Variants in CRB1 observed in about 807,000 individuals in gnomAD.
The protein encoded by CRB1 is crumbs cell polarity complex component 1.
A neutral mutation model predicts 120.0 loss-of-function variants in CRB1; 83 were observed. The observed-to-expected ratio is 0.69, with a 90% confidence interval of 0.58 to 0.83. The LOEUF is 0.83. Among genes scored for constraint, CRB1 ranks in the 40% least tolerant of loss-of-function variants. The probability of loss-of-function intolerance (pLI) is 0.00; values close to 1 mark genes in which losing one functional copy is unlikely to be tolerated. For synonymous variants in CRB1, 625 were observed against 612.5 expected, an observed-to-expected ratio of 1.02 and a Z score of -0.30; for missense variants, 1,699 against 1,687.6, an observed-to-expected ratio of 1.01 and a Z score of -0.12.
At chr1:197,379,588 C>A (rs1558094656) in intron 5 of CRB1, among the ~76,000 whole-genome samples, 1 of 138,624 alleles carries the variant, frequency 7.2e-6, no homozygotes, top group Non-Finnish European at 1.5e-5. Context: ...GCGTGAGCCA[C>A]CAAGCCCGGC....
At chr1:197,362,387 T>C (rs1660817884) in intron 5 of CRB1, among the ~76,000 whole-genome samples, 1 of 152,152 alleles carries the variant, frequency 6.6e-6, no homozygotes, top group Non-Finnish European at 1.5e-5. Context: ...CATTGACTGA[T>C]GGTGTTGTTC....
chr1:197,232,730 G>A, the CRB1 span, among the ~76,000 whole-genome samples: 1,834 of 152,218 alleles, frequency 0.012, 16 homozygotes, highest in Middle Eastern at 0.027. Flanking sequence ...AGTGTATGTG[G>A]TAACAGTTCA....
At chr1:197,379,868 A>G (rs1275901964) in intron 5 of CRB1, among the ~76,000 whole-genome samples, 1 of 152,218 alleles carries the variant, frequency 6.6e-6, no homozygotes, top group African/African-American at 2.4e-5. Flanking sequence ...ATTTTATTTC[A>G]GCACAAAGGA....
chr1:197,400,428 C>G (rs535538992), intron 5 of CRB1, among the ~76,000 whole-genome samples: 38 of 151,706 alleles, frequency 2.5e-4, no homozygotes, highest in Non-Finnish European at 4.3e-4. Context: ...CAGCAATCCT[C>G]CCATCTTGGC....
chr1:197,252,377 A>G, the CRB1 span, among the ~76,000 whole-genome samples: 1 of 150,138 alleles, frequency 6.7e-6, no homozygotes, highest in Non-Finnish European at 1.5e-5. Context: ...TGCATTCTCT[A>G]TTCCCCCTTC....
intron 11 of CRB1, among the ~76,000 whole-genome samples, chr1:197,472,335 T>C (rs1667018320): frequency 6.6e-6 from 1 of 152,224 alleles, no homozygotes; most frequent in South Asian, 2.1e-4. Flanking sequence ...CCCCAAATAT[T>C]GCCTTCATTT....
At chr1:197,216,508 C>G in the CRB1 span, among the ~76,000 whole-genome samples, 1 of 152,124 alleles carries the variant, frequency 6.6e-6, no homozygotes, top group Admixed American at 6.5e-5. Context: ...TGATATTGAG[C>G]TACTCTGTTA....
At chr1:197,223,405 T>C in the CRB1 span, 9 of 486,810 alleles carry the variant, frequency 1.8e-5, no homozygotes, top group East Asian at 3.5e-5. Context: ...TATGGTTTTT[T>C]TTAGAGTGAA....
chr1:197,434,361 C>T (rs969374369), intron 8 of CRB1, among the ~76,000 whole-genome samples: 4 of 152,088 alleles, frequency 2.6e-5, no homozygotes, highest in Admixed American at 2.0e-4. Context: ...AATTGGCATG[C>T]ATTAGGATTT....
At chr1:197,308,408 T>G (rs938958076) in intron 1 of CRB1, among the ~76,000 whole-genome samples, 1 of 152,166 alleles carries the variant, frequency 6.6e-6, no homozygotes, top group African/African-American at 2.4e-5. Flanking sequence ...ATGTACTCCC[T>G]GTATCTAAAC....
Position 197,421,167 on chromosome 1 carries a change from C to A in CRB1, c.1339C>A (p.His447Asn). ...DCSDILLGCT[H>N]QQCLNNGTCI... ...TTCTGATATTCTCCTGGGCTGTACC[C>A]ATCAGCAATGTCTAAATAATGGAAC... is the stretch of plus-strand genomic sequence containing the variant. The change falls in exon 6 of 12, where the codon CAT (histidine) becomes AAT (asparagine). Residue 447 changes from histidine to asparagine, a missense_variant. Transcript: ENST00000367400. 6.2e-7 allele frequency: 1 copy of A among 1,614,170 alleles called. No homozygotes were observed. The highest frequency in any genetic ancestry group is 8.5e-7 in the Non-Finnish European group (1 of 1,180,022).
Position 197,421,364 on chromosome 1 carries a change from C to T in CRB1, c.1536C>T (p.Leu512=), listed in dbSNP as rs1258291335. The change falls in exon 6 of 12, where the codon CTC becomes CTT. Residue 512 remains leucine (L), a synonymous_variant. Transcript: ENST00000367400. The part of the protein sequence containing the change: ...TTKGSVCNIA[L]RFQTVQPMAL... Reference sequence around the variant, plus strand: ...AGGGCTCAGTTTGTAACATAGCCCTCAGGTTTCAGACTGTTCAGCCAATGG... The same window carrying T: ...AGGGCTCAGTTTGTAACATAGCCCTTAGGTTTCAGACTGTTCAGCCAATGG... 2 of 1,614,198 alleles carry T rather than the reference C, an allele frequency of 1.2e-6. No homozygotes were observed. Among genetic ancestry groups the T allele is most frequent in the African/African-American group, 1.3e-5 (1 of 75,054 alleles).
At chr1:197,372,066 C>A (rs1305012095) in intron 5 of CRB1, among the ~76,000 whole-genome samples, 1 of 152,154 alleles carries the variant, frequency 6.6e-6, no homozygotes, top group African/African-American at 2.4e-5. Flanking sequence ...AGCCACCCTG[C>A]TTAATGTGAC....
At chr1:197,367,251 T>C (rs1253168259) in intron 5 of CRB1, among the ~76,000 whole-genome samples, 3 of 152,290 alleles carry the variant, frequency 2.0e-5, no homozygotes, top group African/African-American at 7.2e-5. Context: ...GGCTCAGTTC[T>C]GGGGATAAAA....
the CRB1 span, among the ~76,000 whole-genome samples, chr1:197,238,001 A>G: frequency 6.6e-6 from 1 of 152,236 alleles, no homozygotes; most frequent in Admixed American, 6.5e-5. Flanking sequence ...TTTTCCTCTC[A>G]GCAATACTTT....
At chr1:197,393,891 G>C (rs764113657) in intron 5 of CRB1, among the ~76,000 whole-genome samples, 1 of 152,070 alleles carries the variant, frequency 6.6e-6, no homozygotes, top group African/African-American at 2.4e-5. Flanking sequence ...AATAAAAGGT[G>C]CTTCTGTTAA....
chr1:197,366,117 A>G (rs1372953648), intron 5 of CRB1, among the ~76,000 whole-genome samples: 1 of 152,136 alleles, frequency 6.6e-6, no homozygotes, highest in Non-Finnish European at 1.5e-5. Context: ...AGTACCAAGA[A>G]GTTCAAAATA....
upstream of CRB1, among the ~76,000 whole-genome samples, chr1:197,264,176 T>C (rs540712232): frequency 2.0e-5 from 3 of 152,298 alleles, no homozygotes; most frequent in Admixed American, 1.3e-4. Context: ...ACACTCTGCA[T>C]CTATGTGTAC....
In CRB1 at chr1:197,476,842, G is replaced by A. The variant is rs531595707; in HGVS notation, c.4006-822G>A. ...AAAAATCAGTTTAAAAATTCAAACA[G>A]TAACTCCTTTCTGTCTTTAATATTT... On this transcript the variant is annotated intron_variant, in intron 11 of 11. Transcript: ENST00000367400. Among the ~76,000 whole-genome samples the A allele has an allele frequency of 2.0e-5, 3 of 152,254 alleles. No individual in the cohort carries two copies. In the South Asian group the frequency reaches 6.2e-4, roughly 32 times the overall value.
Sources: gnomAD v4.1 joint callset for allele counts (sites outside exome capture counted in the v4.1 genomes callset) on GRCh38, gnomAD v4.1.1 for gene constraint, MANE v1.5 for transcripts, NCBI Gene and HGNC (gene_info 2026-07-23, HGNC 2026-07-21) for gene names.